Variants in KSR2 observed in about 807,000 individuals in gnomAD.
KSR2 encodes kinase suppressor of ras 2.
Under a neutral mutation model 107.8 loss-of-function variants are expected in KSR2, and 25 were observed. The observed-to-expected ratio is 0.23, with a 90% CI of 0.17 to 0.32. The LOEUF is 0.32. Ranked by LOEUF, KSR2 falls within the 10% of genes least tolerant of loss-of-function variation. The pLI is 1.00. For synonymous variants in KSR2, 480 were observed against 507.0 expected (o/e 0.95, Z 0.71); for missense variants, 887 against 1,268.9 (o/e 0.70, Z 4.57).
intron 1 of KSR2, among the ~76,000 whole-genome samples, chr12:117,906,692 C>T (rs1894861922): frequency 6.6e-6 from 1 of 152,012 alleles, no homozygotes; most frequent in South Asian, 2.1e-4. Context: ...CTCATTGATT[C>T]CTTATAGCAG....
At chr12:117,546,979 C>T (rs1181843082) in intron 9 of KSR2, among the ~76,000 whole-genome samples, 1 of 152,232 alleles carries the variant, frequency 6.6e-6, no homozygotes, top group Non-Finnish European at 1.5e-5. Flanking sequence ...AAATCCCAGT[C>T]ATCTCAGCAA....
At chr12:117,703,047 CTT>C (rs2136624606) in intron 4 of KSR2, among the ~76,000 whole-genome samples, 1 of 152,258 alleles carries the variant, frequency 6.6e-6, no homozygotes, top group African/African-American at 2.4e-5. Flanking sequence ...CTTATCGACT[CTT>C]TGGAAAAGCC....
intron 3 of KSR2, among the ~76,000 whole-genome samples, chr12:117,793,147 T>C (rs12578846): frequency 0.56 from 78,302 of 139,108 alleles, 22,136 homozygotes; most frequent in East Asian, 0.78. Context: ...AACATGCATA[T>C]ACCAATATGC....
chr12:117,816,462 T>C (rs1722315089), intron 3 of KSR2, among the ~76,000 whole-genome samples: 1 of 152,200 alleles, frequency 6.6e-6, no homozygotes, highest in Non-Finnish European at 1.5e-5. Context: ...AAAAGGTTAC[T>C]GTTTAACACC....
At chr12:117,513,345 A>G (rs4767550) in intron 14 of KSR2, among the ~76,000 whole-genome samples, 50,409 of 152,100 alleles carry the variant, frequency 0.33, 9,619 homozygotes, top group South Asian at 0.55. Flanking sequence ...TAATTATCTT[A>G]AACATGATCA....
chr12:117,488,851 G>T (rs1228877616), intron 14 of KSR2, among the ~76,000 whole-genome samples: 1 of 151,920 alleles, frequency 6.6e-6, no homozygotes, highest in Non-Finnish European at 1.5e-5. Flanking sequence ...CTCAATTTCT[G>T]TTGTTTCTAA....
chr12:117,937,792 T>A (rs1311486163), intron 1 of KSR2, among the ~76,000 whole-genome samples: 6 of 144,962 alleles, frequency 4.1e-5, no homozygotes, highest in Non-Finnish European at 9.1e-5. Flanking sequence ...AACCCCCATC[T>A]CTACTAAAAA....
chr12:117,537,024 C>T (rs778151304), intron 10 of KSR2, among the ~76,000 whole-genome samples: 55 of 152,324 alleles, frequency 3.6e-4, no homozygotes, highest in Non-Finnish European at 5.4e-4. Context: ...ATGAGCCTCA[C>T]CAATATGGTG....
intron 6 of KSR2, among the ~76,000 whole-genome samples, chr12:117,581,943 A>T (rs1337613161): frequency 6.6e-6 from 1 of 152,218 alleles, no homozygotes; most frequent in African/African-American, 2.4e-5. Context: ...CCCTATAGGT[A>T]GGCAGAATTA....
At chr12:117,539,568 TC>T in intron 10 of KSR2, 150 bp downstream of exon 10, 1 of 660,942 alleles carries the variant, frequency 1.5e-6, no homozygotes, top group Non-Finnish European at 2.5e-6. Flanking sequence ...TAAGGGTCAG[TC>T]CACATACTTC....
chr12:117,682,424 T>G (rs598178), intron 4 of KSR2, among the ~76,000 whole-genome samples: 119,904 of 150,854 alleles, frequency 0.79, 48,044 homozygotes, highest in African/African-American at 0.91. Context: ...GTTTTTTTTG[T>G]TTTTTTTTTT....
Position 117,803,962 on chromosome 12 carries a change from G to A in KSR2, c.473-42438C>T, listed in dbSNP as rs115249454. Reference sequence around the variant, plus strand: ...TCCTAAAGACAGTTATCTTTCCACCGTATAAGGGGTTAACAAACTATAGTC... The same window carrying A: ...TCCTAAAGACAGTTATCTTTCCACCATATAAGGGGTTAACAAACTATAGTC... On this transcript the variant is annotated intron_variant, in intron 3 of 19. Transcript: ENST00000339824. Among the ~76,000 whole-genome samples, 814 of 152,266 alleles carry A rather than the reference G, an allele frequency of 5.3e-3. 8 individuals are homozygous for A. Among genetic ancestry groups the A allele is most frequent in the African/African-American group, 0.018 (756 of 41,550 alleles).
At position 117,894,742 on chromosome 12, in the gene KSR2, C is replaced by T; in HGVS notation, c.181-34311G>A. ...CTTCCCGTCCCCATCTCCCTCTCCC[C>T]CTCCCCCTCTCCCTCTCTCACTCTG... is the stretch of plus-strand genomic sequence containing the variant. On this transcript the variant is annotated intron_variant, in intron 1 of 19. Transcript: ENST00000339824. Among the ~76,000 whole-genome samples, 2 of 116,974 alleles carry T rather than the reference C, an allele frequency of 1.7e-5. 1 individual carries two copies. Among genetic ancestry groups the T allele is most frequent in the South Asian group, 8.1e-4 (2 of 2,480 alleles). The allele number at this position is 116,974 out of a possible 152,430, so 76.7% of individuals were successfully genotyped here.
At chr12:117,599,182 C>G (rs757956321) in intron 5 of KSR2, among the ~76,000 whole-genome samples, 1 of 152,126 alleles carries the variant, frequency 6.6e-6, no homozygotes, top group Non-Finnish European at 1.5e-5. Flanking sequence ...TGATTTGACA[C>G]AACTTCAAAT....
At chr12:117,731,897 C>A (rs1430721498) in intron 4 of KSR2, among the ~76,000 whole-genome samples, 1 of 141,140 alleles carries the variant, frequency 7.1e-6, no homozygotes, top group Admixed American at 7.7e-5. Context: ...ACAAACACTG[C>A]GGAAGGCCGC....
At chr12:117,780,472 A>G (rs117681879) in intron 3 of KSR2, among the ~76,000 whole-genome samples, 4 of 152,364 alleles carry the variant, frequency 2.6e-5, no homozygotes, top group Non-Finnish European at 5.9e-5. Context: ...AAGGACAAAT[A>G]GTGTATATTT....
At chr12:117,562,670 T>C (rs1173602523) in intron 7 of KSR2, among the ~76,000 whole-genome samples, 2 of 152,200 alleles carry the variant, frequency 1.3e-5, no homozygotes, top group East Asian at 3.8e-4. Flanking sequence ...GCTCATGACC[T>C]TGGCCTGTTT....
At position 117,742,532 on chromosome 12, in the gene KSR2, GTGGATGGA is replaced by G; in HGVS notation, c.986+18471_986+18478del. ...AATGGATGGATGGATGGATGGATGG[GTGGATGGA>G]TGGATGGATGGATGAATGGGCAGAG... On this transcript the variant is annotated intron_variant, in intron 4 of 19. Transcript: ENST00000339824. Among the ~76,000 whole-genome samples the G allele has an allele frequency of 1.3e-5, 2 of 149,460 alleles. 1 individual carries two copies.
intron 14 of KSR2, among the ~76,000 whole-genome samples, chr12:117,523,831 G>T (rs1342833735): frequency 1.3e-5 from 2 of 152,126 alleles, no homozygotes; most frequent in Non-Finnish European, 2.9e-5. Flanking sequence ...AATTAGCCAG[G>T]CATGGTGGCA....
Sources: allele counts gnomAD v4.1 joint callset (sites outside exome capture counted in the v4.1 genomes callset), GRCh38; gene constraint gnomAD v4.1.1; transcripts MANE v1.5; gene names NCBI Gene and HGNC (gene_info 2026-07-23, HGNC 2026-07-21).